Variants in AGTR1 observed in about 807,000 individuals in gnomAD.
The protein encoded by AGTR1 is type-1 angiotensin II receptor.
Under a neutral mutation model 19.4 loss-of-function variants are expected in AGTR1, and 16 were observed. That is an observed-to-expected ratio of 0.82 (90% CI 0.56 to 1.25). The LOEUF (loss-of-function observed/expected upper bound fraction) is 1.25. AGTR1 is among the 50% of genes most tolerant of loss of function. AGTR1 has a pLI of 0.00. For missense variants in AGTR1, 373 were observed against 431.9 expected (o/e 0.86, Z 1.21); for synonymous variants, 153 against 154.9 (o/e 0.99, Z 0.09).
chr3:148,711,010 G>A (rs1319058123), intron 2 of AGTR1, among the ~76,000 whole-genome samples: 2 of 152,080 alleles, frequency 1.3e-5, no homozygotes, highest in Non-Finnish European at 2.9e-5. Context: ...CTAACACCAT[G>A]CTTCCTTGTA....
In AGTR1 at chr3:148,714,363, A is replaced by G. The variant is rs780804632; in HGVS notation, c.-48+6336A>G. ...GTGTTTAGGGAAGGTCTTCTTAGGAAGAAGGAGGAAGCTATGTGGACATCT... is the reference window on the plus strand; with the variant it reads ...GTGTTTAGGGAAGGTCTTCTTAGGAGGAAGGAGGAAGCTATGTGGACATCT... On this transcript the variant is annotated intron_variant, in intron 2 of 2. Coordinates refer to ENST00000349243, the MANE Select transcript of AGTR1 (RefSeq NM_000685.5). 3.9e-4 allele frequency among the ~76,000 whole-genome samples: 59 copies of G among 152,220 alleles called. No individual in the cohort carries two copies. In the Middle Eastern group the frequency reaches 0.02, roughly 53 times the overall value.
At chr3:148,719,270 G>A (rs1282198239) in intron 2 of AGTR1, among the ~76,000 whole-genome samples, 1 of 149,524 alleles carries the variant, frequency 6.7e-6, no homozygotes, top group Admixed American at 6.6e-5. Flanking sequence ...TTATTCAGAT[G>A]ATAAAATTCA....
In AGTR1 at chr3:148,741,760, T is replaced by C. The variant is rs767703245; in HGVS notation, c.725T>C (p.Ile242Thr). The C allele has an allele frequency of 1.2e-6, 2 of 1,613,476 alleles. No individual in the cohort carries two copies. The highest frequency in any genetic ancestry group is 8.5e-7 in the Non-Finnish European group (1 of 1,179,944). Reference sequence around the variant, plus strand: ...AGAAATGATGATATTTTTAAGATAATTATGGCAATTGTGCTTTTCTTTTTC... The same window carrying C: ...AGAAATGATGATATTTTTAAGATAACTATGGCAATTGTGCTTTTCTTTTTC... ...KPRNDDIFKI[I>T]MAIVLFFFFS... Residue 242 changes from isoleucine (I) to threonine (T), a missense_variant, in exon 3 of 3, where the codon ATT becomes ACT. Ile to Thr is a moderately conservative substitution (Grantham distance 89). Coordinates refer to ENST00000349243, the MANE Select transcript of AGTR1 (RefSeq NM_000685.5).
At chr3:148,712,347 C>T (rs1713038474) in intron 2 of AGTR1, among the ~76,000 whole-genome samples, 1 of 152,096 alleles carries the variant, frequency 6.6e-6, no homozygotes, top group Non-Finnish European at 1.5e-5. Context: ...AAATGTTCAT[C>T]TCACCCAGAG....
In AGTR1 at chr3:148,742,221, G is replaced by T; in HGVS notation, c.*106G>T. Reference sequence around the variant, plus strand: ...TGAGCATTAGCTACTTTTCAGAATTGAAGGAGAAAATGCATTATGTGGACT... The same window carrying T: ...TGAGCATTAGCTACTTTTCAGAATTTAAGGAGAAAATGCATTATGTGGACT... On this transcript the variant is annotated 3_prime_UTR_variant, in exon 3 of 3. Coordinates refer to ENST00000349243, the MANE Select transcript of AGTR1 (RefSeq NM_000685.5). The T allele has an allele frequency of 6.8e-7, 1 of 1,480,492 alleles. No homozygotes were observed. The highest frequency in any genetic ancestry group is 1.1e-5 in the South Asian group (1 of 87,636). 91.7% of individuals were successfully genotyped at this position (1,480,492 alleles called of 1,614,324 possible).
intron 2 of AGTR1, among the ~76,000 whole-genome samples, chr3:148,726,893 G>T (rs540138784): frequency 6.6e-6 from 1 of 152,310 alleles, no homozygotes; most frequent in South Asian, 2.1e-4. Flanking sequence ...CATAGTAAGA[G>T]AATAGAGTTC....
At chr3:148,738,222 A>G (rs1714678332) in intron 2 of AGTR1, among the ~76,000 whole-genome samples, 1 of 152,134 alleles carries the variant, frequency 6.6e-6, no homozygotes, top group South Asian at 2.1e-4. Flanking sequence ...GGGATTCTAG[A>G]GCGTAAAGTG....
In AGTR1 at chr3:148,725,541, G is replaced by A. The variant is rs567517273; in HGVS notation, c.-47-15448G>A. 2.6e-4 allele frequency among the ~76,000 whole-genome samples: 39 copies of A among 152,110 alleles called. No individual in the cohort carries two copies. In the South Asian group the frequency reaches 7.1e-3, roughly 28 times the overall value. On this transcript the variant is annotated intron_variant, in intron 2 of 2. Coordinates refer to ENST00000349243, the MANE Select transcript of AGTR1 (RefSeq NM_000685.5). ...GCTGCCCAGGCTGGAGTGCAGTGGCGCGATCTTGGCTCACTGCAACCTTCG... is the reference window on the plus strand; with the variant it reads ...GCTGCCCAGGCTGGAGTGCAGTGGCACGATCTTGGCTCACTGCAACCTTCG...
chr3:148,722,900 T>C (rs1380674351), intron 2 of AGTR1, among the ~76,000 whole-genome samples: 1 of 152,250 alleles, frequency 6.6e-6, no homozygotes, highest in East Asian at 1.9e-4. Context: ...ATGAACTATG[T>C]TCTTCCAGCC....
intron 1 of AGTR1, among the ~76,000 whole-genome samples, chr3:148,701,731 T>C (rs1334786698): frequency 6.6e-6 from 1 of 152,180 alleles, no homozygotes; most frequent in Non-Finnish European, 1.5e-5. Flanking sequence ...CCTTGTTTCC[T>C]ATTATTACAA....
At chr3:148,736,353 A>G (rs1234859786) in intron 2 of AGTR1, among the ~76,000 whole-genome samples, 11 of 152,132 alleles carry the variant, frequency 7.2e-5, no homozygotes, top group Admixed American at 7.2e-4. Context: ...ATTATTTTTT[A>G]CTCATACTTC....
intron 2 of AGTR1, among the ~76,000 whole-genome samples, chr3:148,711,155 A>G (rs1219990612): frequency 6.6e-6 from 1 of 152,158 alleles, no homozygotes; most frequent in Non-Finnish European, 1.5e-5. Flanking sequence ...CATCAATATA[A>G]TGATCCTGCT....
At chr3:148,710,536 G>A (rs1576525883) in intron 2 of AGTR1, among the ~76,000 whole-genome samples, 1 of 152,140 alleles carries the variant, frequency 6.6e-6, no homozygotes, top group African/African-American at 2.4e-5. Context: ...ATTACCTTCT[G>A]TAAAATTCTG....
At chr3:148,739,958 T>G (rs1576541010) in intron 2 of AGTR1, 3 of 1,231,802 alleles carry the variant, frequency 2.4e-6, no homozygotes, top group East Asian at 6.3e-5. Context: ...CCACATTCGG[T>G]GATGTCACTC....
intron 2 of AGTR1, among the ~76,000 whole-genome samples, chr3:148,710,215 G>A (rs1029166071): frequency 1.3e-5 from 2 of 152,030 alleles, no homozygotes; most frequent in South Asian, 2.1e-4. Flanking sequence ...AACTTATTTG[G>A]GAAGTTTTTA....
chr3:148,701,296 T>A (rs1283660771), intron 1 of AGTR1, among the ~76,000 whole-genome samples: 2 of 152,184 alleles, frequency 1.3e-5, no homozygotes, highest in Admixed American at 6.5e-5. Context: ...TTTGGAACAG[T>A]CATAAAAGGA....
chr3:148,712,110 C>G (rs1207571424), intron 2 of AGTR1, among the ~76,000 whole-genome samples: 3 of 151,984 alleles, frequency 2.0e-5, no homozygotes, highest in African/African-American at 7.2e-5. Context: ...AATTTAGAGG[C>G]CCTGTTTTGC....
intron 2 of AGTR1, among the ~76,000 whole-genome samples, chr3:148,732,387 T>A (rs1714314869): frequency 6.6e-6 from 1 of 152,224 alleles, no homozygotes; most frequent in Admixed American, 6.5e-5. Flanking sequence ...GCCTGGGAAA[T>A]ATTTCTTTGA....
In AGTR1 at chr3:148,709,304, A is replaced by G. The variant is rs527966754; in HGVS notation, c.-48+1277A>G. On this transcript the variant is annotated intron_variant, in intron 2 of 2. Coordinates refer to ENST00000349243, the MANE Select transcript of AGTR1 (RefSeq NM_000685.5). The stretch of plus-strand genomic sequence containing the variant: ...GAAGGAGTTTTGTCCATGATATCCC[A>G]TCAGCCCACTAGCAGGAAAAGCAGG... Among the ~76,000 whole-genome samples, 3 of 152,268 alleles carry G rather than the reference A, an allele frequency of 2.0e-5. No individual in the cohort carries two copies. In the East Asian group the frequency reaches 5.8e-4, roughly 29 times the overall value.
Sources: allele counts gnomAD v4.1 joint callset (sites outside exome capture counted in the v4.1 genomes callset), GRCh38; gene constraint gnomAD v4.1.1; transcripts MANE v1.5; gene names NCBI Gene and HGNC (gene_info 2026-07-23, HGNC 2026-07-21).